Variants in XPO7 observed in about 807,000 individuals in gnomAD.
The protein encoded by XPO7 is exportin-7.
Under a neutral mutation model 144.3 loss-of-function variants are expected in XPO7, and 21 were observed. That is an observed-to-expected ratio of 0.15 (90% CI 0.10 to 0.21). The LOEUF (loss-of-function observed/expected upper bound fraction) is 0.21, where lower values mean the gene tolerates loss of function less well. Among genes scored for constraint, XPO7 ranks in the 10% least tolerant of loss-of-function variants. The pLI is 1.00. For missense variants in XPO7, 808 were observed against 1,325.8 expected, an observed-to-expected ratio of 0.61 and a Z score of 6.06; for synonymous variants, 580 against 499.6, an observed-to-expected ratio of 1.16 and a Z score of -2.15.
chr8:21,924,985 C>A (rs912710883), intron 1 of XPO7, among the ~76,000 whole-genome samples: 29 of 152,182 alleles, frequency 1.9e-4, no homozygotes, highest in African/African-American at 6.8e-4. Flanking sequence ...CAGGGCCTTA[C>A]ATTGAATTGA....
At chr8:21,963,137 C>CT (rs1452440468) in intron 1 of XPO7, among the ~76,000 whole-genome samples, 4 of 152,204 alleles carry the variant, frequency 2.6e-5, no homozygotes, top group African/African-American at 7.2e-5. Context: ...TAAATCTACT[C>CT]TAAGTTTTCT....
intron 1 of XPO7, among the ~76,000 whole-genome samples, chr8:21,939,712 C>T (rs1053591825): frequency 6.6e-5 from 10 of 152,040 alleles, no homozygotes; most frequent in African/African-American, 1.7e-4. Flanking sequence ...CTTTTTTATA[C>T]TACCTAAAAA....
intron 19 of XPO7, among the ~76,000 whole-genome samples, chr8:21,992,951 A>G (rs1812818227): frequency 6.6e-6 from 1 of 152,162 alleles, no homozygotes; most frequent in Non-Finnish European, 1.5e-5. Context: ...TGCCAGAAAA[A>G]AATGCCAGGC....
At position 21,974,622 on chromosome 8, in the gene XPO7, T is replaced by C. The variant is rs750659870; in HGVS notation, c.493-48T>C. ...TATAGGAAGTCTACATGAAAAATTC[T>C]TTTTTTGCAATTAATTCTTTGCATT... is the stretch of plus-strand genomic sequence containing the variant. On this transcript the variant is annotated intron_variant, in intron 5 of 27. Coordinates refer to ENST00000252512, the MANE Select transcript of XPO7 (RefSeq NM_015024.5). 7.9e-6 allele frequency: 11 copies of C among 1,392,664 alleles called. No individual in the cohort carries two copies. The East Asian group carries it at 2.5e-4, about 32-fold the overall frequency. The allele number at this position is 1,392,664 out of a possible 1,614,324, so 86.3% of individuals were successfully genotyped here.
chr8:21,919,678 G>A lies in XPO7; in HGVS notation c.-93G>A, dbSNP rs1260680211. The A allele has an allele frequency of 3.7e-5, 7 of 186,674 alleles. No homozygotes were observed. Among genetic ancestry groups the A allele is most frequent in the South Asian group, 1.7e-4 (1 of 5,940 alleles). The allele number at this position is 186,674 out of a possible 1,614,324, so 11.6% of individuals were successfully genotyped here. ...CGAGTCCCCAGCGCGCAGGCGCAGC[G>A]GCGACGGCGTCGGCGGCGGCGGCGG... On this transcript the variant is annotated 5_prime_UTR_variant, in exon 1 of 28. Coordinates refer to ENST00000252512, the MANE Select transcript of XPO7 (RefSeq NM_015024.5).
intron 8 of XPO7, 106 bp from the exon 9 acceptor site, chr8:21,979,978 G>T: frequency 8.0e-7 from 1 of 1,251,434 alleles, no homozygotes; most frequent in Admixed American, 3.4e-5. Context: ...AAATAATGTT[G>T]CTTCAGATAT....
rs182337330 is a variant in XPO7, at chr8:21,960,265, C to A, written c.19-6592C>A. Among the ~76,000 whole-genome samples the A allele has an allele frequency of 1.5e-4, 23 of 152,270 alleles. No homozygotes were observed. The East Asian group carries it at 4.1e-3, about 27-fold the overall frequency. On this transcript the variant is annotated intron_variant, in intron 1 of 27. Transcript: ENST00000252512. The stretch of plus-strand genomic sequence containing the variant: ...TTAAAACCACAGTGCAAGACAAAAA[C>A]CAAAAATGACTGTGGGCCCGTTTCA...
chr8:21,971,999 GTTTT>G (rs1725193013), intron 5 of XPO7, 58 bp downstream of exon 5: 24 of 1,522,400 alleles, frequency 1.6e-5, no homozygotes, highest in Non-Finnish European at 2.2e-5. Context: ...TAGTATTGGT[GTTTT>G]CTGCTGTGTG....
chr8:21,953,407 C>T (rs901840101), intron 1 of XPO7, among the ~76,000 whole-genome samples: 1 of 152,172 alleles, frequency 6.6e-6, no homozygotes, highest in African/African-American at 2.4e-5. Flanking sequence ...TTAAACTTAG[C>T]AGTATGCATT....
intron 14 of XPO7, 68 bp from the exon 15 acceptor site, chr8:21,987,716 C>G: frequency 6.4e-7 from 1 of 1,566,494 alleles, no homozygotes; most frequent in Non-Finnish European, 8.7e-7. Flanking sequence ...TGAGTGTGGA[C>G]AAAAATAGTA....
chr8:21,964,855 G>GAT (rs1811834400), intron 1 of XPO7, among the ~76,000 whole-genome samples: 2 of 152,208 alleles, frequency 1.3e-5, no homozygotes. Context: ...ATTGTCATGT[G>GAT]AACAACTTTG....
intron 1 of XPO7, among the ~76,000 whole-genome samples, chr8:21,956,299 T>C (rs1223463549): frequency 1.3e-5 from 2 of 152,218 alleles, no homozygotes; most frequent in Non-Finnish European, 2.9e-5. Context: ...TTCCTGATCC[T>C]GTTTTGTTTT....
intron 1 of XPO7, among the ~76,000 whole-genome samples, chr8:21,955,177 A>AGT (rs1811494957): frequency 1.3e-5 from 2 of 152,282 alleles, no homozygotes; most frequent in South Asian, 4.1e-4. Context: ...TTCATAGTGG[A>AGT]GTACGTTGTT....
intron 1 of XPO7, among the ~76,000 whole-genome samples, chr8:21,922,514 A>G (rs1205783820): frequency 6.6e-6 from 1 of 152,038 alleles, no homozygotes; most frequent in Admixed American, 6.5e-5. Context: ...AAACTTACTT[A>G]TGTGTGTTTA....
intron 1 of XPO7, among the ~76,000 whole-genome samples, chr8:21,937,378 A>G (rs145084251): frequency 5.9e-5 from 9 of 152,324 alleles, no homozygotes; most frequent in Middle Eastern, 3.4e-3. Flanking sequence ...ATAGTTACCA[A>G]GAAGATTAAA....
At chr8:21,949,273 C>G (rs1313935007) in intron 1 of XPO7, among the ~76,000 whole-genome samples, 1 of 152,166 alleles carries the variant, frequency 6.6e-6, no homozygotes, top group Non-Finnish European at 1.5e-5. Flanking sequence ...CCTAGGGTAG[C>G]ACGAGTCATG....
intron 1 of XPO7, among the ~76,000 whole-genome samples, chr8:21,922,631 A>G (rs779745889): frequency 6.6e-5 from 10 of 152,202 alleles, no homozygotes; most frequent in Non-Finnish European, 1.2e-4. Context: ...GTGATGAAGA[A>G]GATTAAGAAG....
chr8:22,004,087 C>G, intron 27 of XPO7, 57 bp downstream of exon 27: 1 of 1,602,738 alleles, frequency 6.2e-7, no homozygotes. Flanking sequence ...TTCAAATCAA[C>G]GAAACAGGCA....
At chr8:22,001,814 A>C (rs1813157644) in intron 24 of XPO7, among the ~76,000 whole-genome samples, 1 of 152,262 alleles carries the variant, frequency 6.6e-6, no homozygotes, top group Non-Finnish European at 1.5e-5. Context: ...CATCTGGCAC[A>C]AAAGAAGCAC....
Sources: gnomAD v4.1 joint callset for allele counts (sites outside exome capture counted in the v4.1 genomes callset) on GRCh38, gnomAD v4.1.1 for gene constraint, MANE v1.5 for transcripts, NCBI Gene and HGNC (gene_info 2026-07-23, HGNC 2026-07-21) for gene names.